The following PPM1D variants were observed in gnomAD, a reference collection of about 807,000 sequenced individuals.
PPM1D encodes protein phosphatase, Mg2+/Mn2+ dependent 1D.
PPM1D carries 52 observed loss-of-function variants against 58.3 expected under a neutral mutation model. The observed-to-expected ratio is 0.89, with a 90% CI of 0.71 to 1.12. The LOEUF (loss-of-function observed/expected upper bound fraction) is 1.12. Ranked by LOEUF, PPM1D falls within the 50% of genes most tolerant of loss-of-function variation. The probability of loss-of-function intolerance (pLI) is 0.00; values close to 1 mark genes in which losing one functional copy is unlikely to be tolerated. For missense variants in PPM1D, 564 were observed against 777.2 expected, an observed-to-expected ratio of 0.73 and a Z score of 3.26; for synonymous variants, 278 against 285.1, an observed-to-expected ratio of 0.98 and a Z score of 0.25.
intron 1 of PPM1D, among the ~76,000 whole-genome samples, chr17:60,605,585 T>C (rs939401381): frequency 1.3e-5 from 2 of 152,200 alleles, no homozygotes; most frequent in Non-Finnish European, 2.9e-5. Context: ...TTTTAAAAAA[T>C]TGTGCTAAAA....
chr17:60,613,720 C>T (rs1036753441), intron 1 of PPM1D, among the ~76,000 whole-genome samples: 4 of 152,218 alleles, frequency 2.6e-5, no homozygotes, highest in Non-Finnish European at 5.9e-5. Context: ...GGCCAGCTGG[C>T]GCTGCTGGCC....
intron 2 of PPM1D, among the ~76,000 whole-genome samples, chr17:60,629,720 C>T (rs1488071996): frequency 6.6e-6 from 1 of 152,038 alleles, no homozygotes; most frequent in Non-Finnish European, 1.5e-5. Flanking sequence ...CTGATTCCTT[C>T]TCATTAATCT....
intron 1 of PPM1D, among the ~76,000 whole-genome samples, chr17:60,606,549 G>C (rs1484281537): frequency 1.3e-5 from 2 of 151,378 alleles, no homozygotes; most frequent in African/African-American, 4.9e-5. Context: ...ATATTCTAAC[G>C]CTTGTTAACT....
intron 5 of PPM1D, among the ~76,000 whole-genome samples, chr17:60,658,522 C>T (rs963436294): frequency 6.6e-6 from 1 of 151,896 alleles, no homozygotes; most frequent in African/African-American, 2.4e-5. Context: ...GTGATGCATG[C>T]CTGTAATCCC....
At chr17:60,635,873 G>A (rs770333666) in intron 3 of PPM1D, among the ~76,000 whole-genome samples, 1 of 152,208 alleles carries the variant, frequency 6.6e-6, no homozygotes, top group Non-Finnish European at 1.5e-5. Flanking sequence ...ACACTTAGGA[G>A]TTTAAAACAT....
chr17:60,656,712 A>G lies in PPM1D; in HGVS notation c.1131A>G (p.Pro377=), dbSNP rs1354855447. The G allele has an allele frequency of 6.2e-7, 1 of 1,614,092 alleles. No individual in the cohort carries two copies. The highest frequency in any genetic ancestry group is 1.3e-5 in the African/African-American group (1 of 74,926). The part of the protein sequence containing the change: ...NTSAIVICIS[P]EVDNQGNFTN... Reference sequence around the variant, plus strand: ...GTGCCATAGTAATCTGCATCTCTCCAGAAGTGGACAATCAGGGAAACTTTA... The same window carrying G: ...GTGCCATAGTAATCTGCATCTCTCCGGAAGTGGACAATCAGGGAAACTTTA... Residue 377 remains proline (P), a synonymous_variant, in exon 5 of 6, where the codon CCA becomes CCG. Transcript: ENST00000305921.
Position 60,600,220 on chromosome 17 carries a change from G to A in PPM1D, c.-195G>A, listed in dbSNP as rs2030167520. Reference sequence around the variant, plus strand: ...TGCGCAGGCGCAACTGCCTGGCTCTGCTCGCTCCGGCGCTCCGGCCCAGCT... The same window carrying A: ...TGCGCAGGCGCAACTGCCTGGCTCTACTCGCTCCGGCGCTCCGGCCCAGCT... On this transcript the variant is annotated 5_prime_UTR_variant, in exon 1 of 6. Coordinates refer to ENST00000305921, the MANE Select transcript of PPM1D (RefSeq NM_003620.4). 15 of 1,142,054 alleles carry A rather than the reference G, an allele frequency of 1.3e-5. No individual in the cohort carries two copies. The highest frequency in any genetic ancestry group is 3.3e-5 in the South Asian group (2 of 61,226). The allele number at this position is 1,142,054 out of a possible 1,614,324, so 70.7% of individuals were successfully genotyped here.
chr17:60,645,502 A>ATG (rs1192830035), intron 3 of PPM1D, among the ~76,000 whole-genome samples: 1 of 131,784 alleles, frequency 7.6e-6, no homozygotes, highest in African/African-American at 3.1e-5. Context: ...GTATGTGTAT[A>ATG]TATATATGTG....
chr17:60,660,358 A>T (rs1457295006), intron 5 of PPM1D, among the ~76,000 whole-genome samples: 2 of 151,992 alleles, frequency 1.3e-5, no homozygotes, highest in Non-Finnish European at 2.9e-5. Flanking sequence ...AAAACAAAAA[A>T]ACAGAGAAGT....
chr17:60,610,724 T>C (rs2030437369), intron 1 of PPM1D, among the ~76,000 whole-genome samples: 1 of 152,216 alleles, frequency 6.6e-6, no homozygotes, highest in African/African-American at 2.4e-5. Flanking sequence ...ACCATATGTT[T>C]TGCAAAGCCA....
intron 1 of PPM1D, among the ~76,000 whole-genome samples, chr17:60,620,123 C>G (rs572962429): frequency 1.3e-3 from 196 of 152,120 alleles, no homozygotes; most frequent in Non-Finnish European, 2.0e-3. Flanking sequence ...CTCAGCCTCC[C>G]CAGTGGCTAG....
chr17:60,661,799 T>TGATGTGCTTTAAA (rs1207338685), intron 5 of PPM1D, among the ~76,000 whole-genome samples: 1 of 152,134 alleles, frequency 6.6e-6, no homozygotes, highest in Non-Finnish European at 1.5e-5. Context: ...GTTGCTTTAA[T>TGATGTGCTTTAAA]GTTGTACTTT....
chr17:60,612,721 A>G (rs1254701327), intron 1 of PPM1D, among the ~76,000 whole-genome samples: 1 of 152,112 alleles, frequency 6.6e-6, no homozygotes, highest in Non-Finnish European at 1.5e-5. Flanking sequence ...TTGCTGCTGG[A>G]TGTGTACCAG....
intron 3 of PPM1D, among the ~76,000 whole-genome samples, chr17:60,642,753 G>A (rs935447060): frequency 4.6e-5 from 7 of 151,960 alleles, no homozygotes; most frequent in African/African-American, 1.7e-4. Context: ...CACTGCCTCC[G>A]GCCAGGAAAC....
At chr17:60,635,993 G>A (rs1330397747) in intron 3 of PPM1D, among the ~76,000 whole-genome samples, 1 of 152,164 alleles carries the variant, frequency 6.6e-6, no homozygotes, top group East Asian at 1.9e-4. Context: ...AATCATCGAA[G>A]CCTTCAATGG....
intron 2 of PPM1D, among the ~76,000 whole-genome samples, chr17:60,633,388 T>C (rs939877568): frequency 3.9e-5 from 6 of 152,176 alleles, no homozygotes; most frequent in African/African-American, 1.4e-4. Flanking sequence ...TAATTGCTTA[T>C]ATCACAATTT....
chr17:60,627,568 C>T (rs2030834932), intron 2 of PPM1D, among the ~76,000 whole-genome samples: 1 of 151,790 alleles, frequency 6.6e-6, no homozygotes, highest in Admixed American at 6.6e-5. Context: ...ATTACAGGTG[C>T]CCGCCACCAT....
In PPM1D at chr17:60,626,063, G is replaced by A. The variant is rs368036696; in HGVS notation, c.701+2314G>A. 1.8e-4 allele frequency among the ~76,000 whole-genome samples: 28 copies of A among 152,128 alleles called. No homozygotes were observed. The East Asian group carries it at 3.3e-3, about 18-fold the overall frequency. ...GAGCTGTACCATGTACAGATGTACC[G>A]TCATTTATTTTAATCAGTCTCCTAT... is the stretch of plus-strand genomic sequence containing the variant. On this transcript the variant is annotated intron_variant, in intron 2 of 5. Coordinates refer to ENST00000305921, the MANE Select transcript of PPM1D (RefSeq NM_003620.4).
At position 60,600,541 on chromosome 17, in the gene PPM1D, C is replaced by A. The variant is rs996249264; in HGVS notation, c.127C>A (p.Arg43=). 1.3e-6 allele frequency: 2 copies of A among 1,554,310 alleles called. No homozygotes were observed. The highest frequency in any genetic ancestry group is 1.7e-6 in the Non-Finnish European group (2 of 1,149,252). ...GGCTGAAGAAAAGCCCTCGCCGCGG[C>A]GGTCGCTGTCTCAGCCGTTGCCTCC... ...PTAEEKPSPR[R]SLSQPLPPRP... is the part of the protein sequence containing the mutation. The change falls in exon 1 of 6, where the codon CGG becomes AGG. Residue 43 remains arginine, a synonymous_variant. Coordinates refer to ENST00000305921, the MANE Select transcript of PPM1D (RefSeq NM_003620.4).
Sources: allele counts gnomAD v4.1 joint callset (sites outside exome capture counted in the v4.1 genomes callset), GRCh38; gene constraint gnomAD v4.1.1; transcripts MANE v1.5; gene names NCBI Gene and HGNC (gene_info 2026-07-23, HGNC 2026-07-21).